Variants in PRUNE2 observed in about 807,000 individuals in gnomAD.
The protein encoded by PRUNE2 is protein prune homolog 2.
Under a neutral mutation model 252.0 loss-of-function variants are expected in PRUNE2, and 164 were observed. The ratio of observed to expected loss-of-function variants is 0.65; its 90% CI spans 0.57 to 0.74. PRUNE2 has a LOEUF of 0.74. Among genes scored for constraint, PRUNE2 ranks in the 30% least tolerant of loss-of-function variants. The pLI is 0.00. For synonymous variants in PRUNE2, 1,292 were observed against 1,350.2 expected, an observed-to-expected ratio of 0.96 and a Z score of 0.94; for missense variants, 3,495 against 3,711.0, an observed-to-expected ratio of 0.94 and a Z score of 1.51.
chr9:76,807,510 A>G (rs2057051490), intron 6 of PRUNE2, among the ~76,000 whole-genome samples: 1 of 152,258 alleles, frequency 6.6e-6, no homozygotes, highest in African/African-American at 2.4e-5. Flanking sequence ...TATACAAATT[A>G]TACACAATAA....
At chr9:76,885,366 T>A (rs2062027711) in intron 1 of PRUNE2, among the ~76,000 whole-genome samples, 1 of 152,154 alleles carries the variant, frequency 6.6e-6, no homozygotes, top group African/African-American at 2.4e-5. Context: ...AAAGAAAGTT[T>A]CATGCAATAA....
At chr9:76,684,273 A>T (rs894361265) in intron 9 of PRUNE2, among the ~76,000 whole-genome samples, 3 of 152,240 alleles carry the variant, frequency 2.0e-5, no homozygotes, top group Non-Finnish European at 4.4e-5. Context: ...GGCAACCACC[A>T]TTCTACTCTA....
At chr9:76,697,286 C>G (rs935689505) in intron 9 of PRUNE2, among the ~76,000 whole-genome samples, 1 of 152,178 alleles carries the variant, frequency 6.6e-6, no homozygotes, top group Non-Finnish European at 1.5e-5. Context: ...AGAGTTGCAC[C>G]ACCTCATCTT....
intron 16 of PRUNE2, 65 bp from the exon 17 acceptor site, chr9:76,624,555 G>A: frequency 8.4e-7 from 1 of 1,197,224 alleles, no homozygotes; most frequent in Non-Finnish European, 1.1e-6. Context: ...GCATGAGACA[G>A]TCACTCAGCA....
chr9:76,759,571 T>A (rs955358511), intron 6 of PRUNE2: 1 of 151,982 alleles, frequency 6.6e-6, no homozygotes, highest in Admixed American at 6.5e-5. Context: ...GAGAGGAGAG[T>A]GGCTGAACTC....
chr9:76,709,947 G>A lies in PRUNE2; in HGVS notation c.2327C>T (p.Thr776Ile), dbSNP rs200940904. The A allele has an allele frequency of 9.5e-5, 153 of 1,613,808 alleles. No individual in the cohort carries two copies. In the East Asian group the frequency reaches 3.3e-3, roughly 34 times the overall value. ...ATTTCCCCAGGGCTCGGGCATGGCT[G>A]TGGGAGAGCGACCAGAATGCCACAA... is the stretch of plus-strand genomic sequence containing the variant. Reference protein sequence around the residue: ...ASLWHSGRSPTAMPEPWGNPT... With the variant: ...ASLWHSGRSPIAMPEPWGNPT... The change falls in exon 8 of 19, where the codon ACA becomes ATA. Residue 776 changes from threonine (T) to isoleucine (I), a missense_variant. Physicochemically the swap from Thr to Ile is moderately conservative, Grantham distance 89. Transcript: ENST00000376718.
intron 6 of PRUNE2, chr9:76,788,273 C>A: frequency 1.7e-6 from 1 of 576,002 alleles, no homozygotes; most frequent in Admixed American, 3.1e-5. Context: ...TGTTAACTCA[C>A]CAAACAGATA....
intron 6 of PRUNE2, among the ~76,000 whole-genome samples, chr9:76,768,907 A>T (rs1332741447): frequency 6.6e-6 from 1 of 152,188 alleles, no homozygotes; most frequent in African/African-American, 2.4e-5. Context: ...GCTGTACTTT[A>T]TAAAAAATTT....
intron 4 of PRUNE2, among the ~76,000 whole-genome samples, chr9:76,832,410 T>C (rs948790257): frequency 1.3e-5 from 2 of 152,168 alleles, no homozygotes; most frequent in South Asian, 4.1e-4. Context: ...TATAGAGTTA[T>C]AGTCTGTGGT....
chr9:76,813,036 T>C (rs2057460750), intron 6 of PRUNE2, among the ~76,000 whole-genome samples: 1 of 152,208 alleles, frequency 6.6e-6, no homozygotes, highest in Non-Finnish European at 1.5e-5. Flanking sequence ...CTTGGGGTCA[T>C]TTACATCTGT....
intron 1 of PRUNE2, among the ~76,000 whole-genome samples, chr9:76,875,522 T>C (rs1424145866): frequency 1.3e-5 from 2 of 152,200 alleles, no homozygotes; most frequent in East Asian, 1.9e-4. Flanking sequence ...CGTGCCACCA[T>C]GCCCGGCCAA....
At chr9:76,889,391 G>T (rs2062322762) in intron 1 of PRUNE2, among the ~76,000 whole-genome samples, 1 of 151,618 alleles carries the variant, frequency 6.6e-6, no homozygotes, top group Non-Finnish European at 1.5e-5. Flanking sequence ...TATGATCTTG[G>T]CTCACTACAA....
intron 6 of PRUNE2, chr9:76,817,966 G>C (rs1171661080): frequency 1.3e-5 from 2 of 152,020 alleles, no homozygotes; most frequent in African/African-American, 4.8e-5. Context: ...TCTATTAGTT[G>C]GGCAAAATGG....
At chr9:76,696,818 C>T (rs1332704571) in intron 9 of PRUNE2, among the ~76,000 whole-genome samples, 1 of 152,214 alleles carries the variant, frequency 6.6e-6, no homozygotes, top group Non-Finnish European at 1.5e-5. Context: ...CACACTAGGT[C>T]ACTATGCCTT....
intron 11 of PRUNE2, among the ~76,000 whole-genome samples, chr9:76,648,790 T>C (rs777865082): frequency 7.9e-5 from 12 of 152,242 alleles, no homozygotes; most frequent in African/African-American, 2.9e-4. Flanking sequence ...ATCGTGATGA[T>C]ACTACAAGCC....
At chr9:76,799,402 T>G (rs1589288690) in intron 6 of PRUNE2, among the ~76,000 whole-genome samples, 2 of 151,644 alleles carry the variant, frequency 1.3e-5, no homozygotes. Flanking sequence ...AATCCATAGG[T>G]GTACTGCCAA....
chr9:76,790,561 AC>A (rs2055453238), intron 6 of PRUNE2, among the ~76,000 whole-genome samples: 1 of 152,116 alleles, frequency 6.6e-6, no homozygotes, highest in Non-Finnish European at 1.5e-5. Context: ...CCCACTTCCC[AC>A]CCTGACTCCC....
At chr9:76,623,753 A>C (rs1833465221) in intron 17 of PRUNE2, among the ~76,000 whole-genome samples, 1 of 152,136 alleles carries the variant, frequency 6.6e-6, no homozygotes, top group African/African-American at 2.4e-5. Flanking sequence ...ATCTTATCCA[A>C]ATATTCTTCT....
intron 5 of PRUNE2, among the ~76,000 whole-genome samples, chr9:76,824,405 T>C (rs2058223343): frequency 6.6e-6 from 1 of 152,208 alleles, no homozygotes; most frequent in African/African-American, 2.4e-5. Context: ...TGTTTTCTAG[T>C]ATAATTTCAT....
Sources: gnomAD v4.1 joint callset for allele counts (sites outside exome capture counted in the v4.1 genomes callset) on GRCh38, gnomAD v4.1.1 for gene constraint, MANE v1.5 for transcripts, NCBI Gene and HGNC (gene_info 2026-07-23, HGNC 2026-07-21) for gene names.